The following PRUNE2 variants were observed in gnomAD, a reference collection of about 807,000 sequenced individuals.
The protein encoded by PRUNE2 is protein prune homolog 2.
PRUNE2 carries 164 observed loss-of-function variants against 252.0 expected under a neutral mutation model. That is an observed-to-expected ratio of 0.65 (90% CI 0.57 to 0.74). The LOEUF (loss-of-function observed/expected upper bound fraction) is 0.74, where lower values mean the gene tolerates loss of function less well. PRUNE2 is among the 30% of genes least tolerant of loss of function. The pLI, the probability that PRUNE2 is intolerant of heterozygous loss-of-function variation, is 0.00. For missense variants in PRUNE2, 3,495 were observed against 3,711.0 expected (o/e 0.94, Z 1.51); for synonymous variants, 1,292 against 1,350.2 (o/e 0.96, Z 0.94).
At chr9:76,704,524 T>C (rs965421607) in intron 8 of PRUNE2, among the ~76,000 whole-genome samples, 6 of 152,204 alleles carry the variant, frequency 3.9e-5, no homozygotes, top group Non-Finnish European at 7.3e-5. Flanking sequence ...CGCGCCCAGC[T>C]AGAAAATATT....
chr9:76,752,077 CA>C (rs2050656556), intron 6 of PRUNE2, among the ~76,000 whole-genome samples: 1 of 140,860 alleles, frequency 7.1e-6, no homozygotes, highest in Admixed American at 7.5e-5. Context: ...ACGACTGACT[CA>C]ATTCCTGTTT....
Position 76,707,950 on chromosome 9 carries a change from C to A in PRUNE2, c.4324G>T (p.Glu1442Ter). The A allele has an allele frequency of 6.2e-7, 1 of 1,613,914 alleles. No individual in the cohort carries two copies. The highest frequency in any genetic ancestry group is 1.1e-5 in the South Asian group (1 of 91,072). The change falls in exon 8 of 19, where the codon GAA becomes TAA. Residue 1442 changes from glutamate to a stop codon, truncating the protein, a stop_gained. Coordinates refer to ENST00000376718, the MANE Select transcript of PRUNE2 (RefSeq NM_015225.3). LOFTEE classifies it high-confidence loss of function. ...KHLMSQRNSGETTETSDGMNF... is the reference protein window; with the variant it reads ...KHLMSQRNSG ...ATCCCATCTGAAGTCTCAGTAGTTT[C>A]ACCTGAATTTCTTTGACTCATGAGG...
rs773227993 is a variant in PRUNE2 at position 76,706,255 on chromosome 9, C to T, written c.6019G>A (p.Glu2007Lys). Reference protein sequence around the residue: ...QWEQEKSYLGEMTNSSIATEN... With the variant: ...QWEQEKSYLGKMTNSSIATEN... ...GTGGCAATGCTTGAATTTGTCATCT[C>T]ACCTAGGTATGATTTTTCTTGTTCC... Residue 2007 changes from glutamate to lysine, a missense_variant, in exon 8 of 19, where the codon GAG (glutamate) becomes AAG (lysine). Coordinates refer to ENST00000376718, the MANE Select transcript of PRUNE2 (RefSeq NM_015225.3). The T allele has an allele frequency of 6.2e-6, 10 of 1,613,916 alleles. No individual in the cohort carries two copies. Among genetic ancestry groups the T allele is most frequent in the Non-Finnish European group, 7.6e-6 (9 of 1,179,900 alleles).
At chr9:76,715,153 G>A (rs1186593032) in intron 6 of PRUNE2, among the ~76,000 whole-genome samples, 2 of 152,228 alleles carry the variant, frequency 1.3e-5, no homozygotes, top group Admixed American at 6.5e-5. Flanking sequence ...CCACTGTGAA[G>A]ATGTGAACGA....
At chr9:76,740,483 G>C (rs1185967859) in intron 6 of PRUNE2, 2 of 151,608 alleles carry the variant, frequency 1.3e-5, no homozygotes, top group African/African-American at 4.9e-5. Context: ...GGCATTGAAG[G>C]GTCATCTGGC....
rs201756866 is a variant in PRUNE2 at position 76,710,166 on chromosome 9, A to C, written c.2108T>G (p.Phe703Cys). The part of the protein sequence containing the change: ...SIDRRASDSV[F>C]QPKSLEFTKS... Reference sequence around the variant, plus strand: ...TGTAAATTCGAGGCTCTTTGGTTGAAATACAGAATCTGAGGCTCTCCTATC... The same window carrying C: ...TGTAAATTCGAGGCTCTTTGGTTGACATACAGAATCTGAGGCTCTCCTATC... The change falls in exon 8 of 19, where the codon TTT (phenylalanine) becomes TGT (cysteine). Residue 703 changes from phenylalanine to cysteine, a missense_variant. Transcript: ENST00000376718. 3 of 1,613,906 alleles carry C rather than the reference A, an allele frequency of 1.9e-6. No homozygotes were observed. Among genetic ancestry groups the C allele is most frequent in the African/African-American group, 2.7e-5 (2 of 75,044 alleles).
intron 1 of PRUNE2, among the ~76,000 whole-genome samples, chr9:76,903,832 C>T (rs1350835633): frequency 6.6e-6 from 1 of 152,172 alleles, no homozygotes; most frequent in African/African-American, 2.4e-5. Flanking sequence ...AGGTGATCCA[C>T]CCGCCTCAGC....
chr9:76,660,705 C>A, intron 9 of PRUNE2, among the ~76,000 whole-genome samples: 1 of 150,400 alleles, frequency 6.6e-6, no homozygotes. Context: ...TCACCTGAAC[C>A]CGGGAGGCGG....
chr9:76,794,290 G>T (rs1379428777), intron 6 of PRUNE2, among the ~76,000 whole-genome samples: 3 of 152,184 alleles, frequency 2.0e-5, no homozygotes, highest in African/African-American at 7.2e-5. Context: ...TCAGCCTCAG[G>T]AGGTATCTGG....
chr9:76,754,649 A>G (rs1820162485), intron 6 of PRUNE2, among the ~76,000 whole-genome samples: 1 of 152,152 alleles, frequency 6.6e-6, no homozygotes, highest in African/African-American at 2.4e-5. Context: ...CCATCACCTT[A>G]GCTCTTAAAA....
At chr9:76,654,053 T>C (rs1249113383) in intron 10 of PRUNE2, among the ~76,000 whole-genome samples, 1 of 152,198 alleles carries the variant, frequency 6.6e-6, no homozygotes, top group East Asian at 1.9e-4. Flanking sequence ...CTAAGGTGGA[T>C]AGTGTCAGAA....
chr9:76,729,525 T>G (rs892014792), intron 6 of PRUNE2, among the ~76,000 whole-genome samples: 4 of 152,202 alleles, frequency 2.6e-5, no homozygotes, highest in African/African-American at 9.6e-5. Context: ...CTACTTTGCT[T>G]GGCTCTTTAG....
At chr9:76,797,240 C>T (rs1310337692) in intron 6 of PRUNE2, among the ~76,000 whole-genome samples, 1 of 151,438 alleles carries the variant, frequency 6.6e-6, no homozygotes, top group Non-Finnish European at 1.5e-5. Context: ...CTTTTACGTT[C>T]TATATAATTG....
intron 9 of PRUNE2, among the ~76,000 whole-genome samples, chr9:76,693,941 C>T (rs192145610): frequency 3.6e-4 from 55 of 152,280 alleles, no homozygotes; most frequent in African/African-American, 1.2e-3. Flanking sequence ...GGGTCACTGG[C>T]TGTCAGAGGT....
chr9:76,633,655 A>G (rs946016156), intron 15 of PRUNE2, among the ~76,000 whole-genome samples: 13 of 152,176 alleles, frequency 8.5e-5, no homozygotes, highest in Admixed American at 7.2e-4. Flanking sequence ...CTTTTGCTCT[A>G]TAATGGCAGA....
At chr9:76,875,850 T>C (rs1159026786) in intron 1 of PRUNE2, among the ~76,000 whole-genome samples, 1 of 152,224 alleles carries the variant, frequency 6.6e-6, no homozygotes, top group African/African-American at 2.4e-5. Context: ...TTGACACGTA[T>C]CTCAAACTTG....
At chr9:76,847,418 GT>G (rs11352993) in intron 3 of PRUNE2, among the ~76,000 whole-genome samples, 3,684 of 151,196 alleles carry the variant, frequency 0.024, 144 homozygotes, top group African/African-American at 0.082. Flanking sequence ...CATTGTATAA[GT>G]TTTTTTTAAT....
chr9:76,625,343 A>G (rs1342888121), intron 16 of PRUNE2, among the ~76,000 whole-genome samples: 1 of 152,210 alleles, frequency 6.6e-6, no homozygotes, highest in Non-Finnish European at 1.5e-5. Context: ...CATGCTGTAC[A>G]GGTGTGTAGC....
chr9:76,807,915 C>T (rs535109553), intron 6 of PRUNE2, among the ~76,000 whole-genome samples: 71 of 152,324 alleles, frequency 4.7e-4, no homozygotes, highest in African/African-American at 1.5e-3. Flanking sequence ...TGGTGGCTCA[C>T]GCCTGTAATC....
Sources: allele counts gnomAD v4.1 joint callset (sites outside exome capture counted in the v4.1 genomes callset), GRCh38; gene constraint gnomAD v4.1.1; transcripts MANE v1.5; gene names NCBI Gene and HGNC (gene_info 2026-07-23, HGNC 2026-07-21).